Variants in CDK14 observed in about 807,000 individuals in gnomAD.
CDK14 encodes cyclin dependent kinase 14.
CDK14 carries 34 observed loss-of-function variants against 60.7 expected under a neutral mutation model. The ratio of observed to expected loss-of-function variants is 0.56; its 90% CI spans 0.43 to 0.75. The LOEUF is 0.75. CDK14 is among the 30% of genes least tolerant of loss of function. The pLI is 0.00. For missense variants in CDK14, 482 were observed against 564.1 expected, an observed-to-expected ratio of 0.85 and a Z score of 1.47; for synonymous variants, 197 against 203.7, an observed-to-expected ratio of 0.97 and a Z score of 0.28.
intron 2 of CDK14, among the ~76,000 whole-genome samples, chr7:90,644,958 G>A (rs1373293224): frequency 6.6e-6 from 1 of 152,134 alleles, no homozygotes; most frequent in Non-Finnish European, 1.5e-5. Flanking sequence ...AAGGTAGATG[G>A]TTATGAATTT....
chr7:90,965,852 C>G (rs1053453168), intron 9 of CDK14, among the ~76,000 whole-genome samples: 4 of 152,080 alleles, frequency 2.6e-5, no homozygotes, highest in African/African-American at 9.7e-5. Flanking sequence ...TTCCCTAGAG[C>G]TTCTGGTATT....
At chr7:90,627,457 C>T (rs550649716) in intron 2 of CDK14, among the ~76,000 whole-genome samples, 53 of 152,284 alleles carry the variant, frequency 3.5e-4, no homozygotes, top group Non-Finnish European at 6.3e-4. Flanking sequence ...AAGCAATCCT[C>T]GTGTTTTGGC....
At chr7:90,822,196 A>G (rs1371070479) in intron 5 of CDK14, among the ~76,000 whole-genome samples, 1 of 152,218 alleles carries the variant, frequency 6.6e-6, no homozygotes, top group Non-Finnish European at 1.5e-5. Context: ...CATAGTAGTG[A>G]ATCAATGACT....
intron 14 of CDK14, among the ~76,000 whole-genome samples, chr7:91,184,200 G>A (rs575900119): frequency 0.071 from 172 of 2,438 alleles, 1 homozygote; most frequent in African/African-American, 0.21. Flanking sequence ...GTGAGGCTCC[G>A]TCTTAAAAAA....
intron 5 of CDK14, among the ~76,000 whole-genome samples, chr7:90,862,276 C>G (rs1053713538): frequency 8.6e-5 from 13 of 152,010 alleles, no homozygotes; most frequent in Non-Finnish European, 7.4e-5. Flanking sequence ...TATGACCAAA[C>G]CATATACTGT....
chr7:90,696,582 CTTAAGT>C (rs1309952384), intron 2 of CDK14, among the ~76,000 whole-genome samples: 1 of 151,902 alleles, frequency 6.6e-6, no homozygotes, highest in Non-Finnish European at 1.5e-5. Context: ...TTTTGTACAG[CTTAAGT>C]TTAAGATTCC....
At chr7:91,091,501 TTATA>T (rs56670195) in intron 12 of CDK14, among the ~76,000 whole-genome samples, 6 of 88,972 alleles carry the variant, frequency 6.7e-5, no homozygotes, top group Non-Finnish European at 1.4e-4. Flanking sequence ...TTTATATATT[TTATA>T]TATATATATA....
chr7:91,162,946 G>A (rs1801215664), intron 14 of CDK14, among the ~76,000 whole-genome samples: 1 of 152,080 alleles, frequency 6.6e-6, no homozygotes, highest in Admixed American at 6.6e-5. Flanking sequence ...GGAAATGTTG[G>A]GGCCCCTAAG....
intron 2 of CDK14, among the ~76,000 whole-genome samples, chr7:90,689,822 C>G (rs761001395): frequency 8.5e-5 from 13 of 152,084 alleles, no homozygotes; most frequent in Non-Finnish European, 1.6e-4. Flanking sequence ...TAAAACACAT[C>G]TAGGACTTAA....
At chr7:91,200,717 G>A (rs1367091121) in intron 14 of CDK14, among the ~76,000 whole-genome samples, 1 of 152,112 alleles carries the variant, frequency 6.6e-6, no homozygotes, top group Non-Finnish European at 1.5e-5. Flanking sequence ...CTGACTGTCT[G>A]GGTGCCCAAG....
chr7:90,649,236 GTTTCTTTCTTTCTTTCTTTCTTTCTTTC>G lies in CDK14; in HGVS notation c.123+45036_123+45063del, dbSNP rs1167505193. Among the ~76,000 whole-genome samples the G allele has an allele frequency of 1.6e-3, 185 of 118,838 alleles. 2 individuals are homozygous for G. The highest frequency in any genetic ancestry group is 5.6e-3 in the African/African-American group (174 of 31,156). The allele number at this position is 118,838 out of a possible 152,430, so 78.0% of individuals were successfully genotyped here. ...GAGTCAGCAACAGCTCTAGCCTATA[GTTTCTTTCTTTCTTTCTTTCTTTCTTTC>G]TTTCTTTCTTTCTTTCTTTCTTTCT... On this transcript the variant is annotated intron_variant, in intron 2 of 14. Transcript: ENST00000380050.
chr7:90,764,398 C>G (rs1337816354), intron 4 of CDK14, among the ~76,000 whole-genome samples: 1 of 152,174 alleles, frequency 6.6e-6, no homozygotes, highest in Non-Finnish European at 1.5e-5. Flanking sequence ...AAATTAGGTG[C>G]TGTTAGAGCT....
chr7:90,622,747 CTG>C (rs5885735), intron 2 of CDK14, among the ~76,000 whole-genome samples: 46,610 of 151,740 alleles, frequency 0.31, 8,035 homozygotes, highest in East Asian at 0.67. Flanking sequence ...ACTACCCTGA[CTG>C]TGTTTTTACT....
rs560211414 is a variant in CDK14 at position 90,779,172 on chromosome 7, G to C, written c.465-11401G>C. Among the ~76,000 whole-genome samples the C allele has an allele frequency of 4.6e-5, 7 of 152,200 alleles. No individual in the cohort carries two copies. In the East Asian group the frequency reaches 9.7e-4, roughly 21 times the overall value. ...GGAGGCTGAGGCAGGAGAATTGCTT[G>C]AACCCAGGAGGCAGAGGTTGCAGTG... On this transcript the variant is annotated intron_variant, in intron 4 of 14. Transcript: ENST00000380050.
At chr7:91,104,376 G>A (rs1799227367) in intron 12 of CDK14, among the ~76,000 whole-genome samples, 1 of 152,174 alleles carries the variant, frequency 6.6e-6, no homozygotes, top group African/African-American at 2.4e-5. Flanking sequence ...TCAAGACAAG[G>A]AAGTTCTAAT....
chr7:91,019,353 C>G (rs1482028892), intron 10 of CDK14, among the ~76,000 whole-genome samples: 1 of 152,124 alleles, frequency 6.6e-6, no homozygotes, highest in Non-Finnish European at 1.5e-5. Flanking sequence ...GCATCCTTAC[C>G]CAGGGAAAAT....
At chr7:90,794,639 T>G (rs1209583831) in intron 5 of CDK14, among the ~76,000 whole-genome samples, 1 of 152,238 alleles carries the variant, frequency 6.6e-6, no homozygotes, top group African/African-American at 2.4e-5. Flanking sequence ...CCTTGTTCCC[T>G]GAACATCGCT....
intron 10 of CDK14, among the ~76,000 whole-genome samples, chr7:91,008,829 C>T (rs1796069115): frequency 1.3e-5 from 2 of 152,064 alleles, no homozygotes. Context: ...TTATGTCATT[C>T]TTTTTAAAAA....
At chr7:90,958,855 T>C (rs893439693) in intron 9 of CDK14, among the ~76,000 whole-genome samples, 5 of 152,132 alleles carry the variant, frequency 3.3e-5, no homozygotes, top group African/African-American at 9.7e-5. Context: ...AGTTTTTGTC[T>C]TAGTTGCTTG....
Sources: gnomAD v4.1 joint callset for allele counts (sites outside exome capture counted in the v4.1 genomes callset) on GRCh38, gnomAD v4.1.1 for gene constraint, MANE v1.5 for transcripts, NCBI Gene and HGNC (gene_info 2026-07-23, HGNC 2026-07-21) for gene names.